Variants in CLCNKB observed in about 807,000 individuals in gnomAD.
CLCNKB encodes chloride channel protein ClC-Kb.
CLCNKB carries 74 observed loss-of-function variants against 83.8 expected under a neutral mutation model. The observed-to-expected ratio is 0.88, with a 90% confidence interval of 0.73 to 1.07. CLCNKB has a LOEUF of 1.07. CLCNKB is among the 50% of genes least tolerant of loss of function. The pLI, the probability that CLCNKB is intolerant of heterozygous loss-of-function variation, is 0.00. For missense variants in CLCNKB, 798 were observed against 893.6 expected (o/e 0.89, Z 1.36); for synonymous variants, 358 against 356.6 (o/e 1.00, Z -0.04).
Position 16,049,690 on chromosome 1 carries a change from T to C in CLCNKB, c.854T>C (p.Phe285Ser). 6.2e-7 allele frequency: 1 copy of C among 1,610,814 alleles called. No individual in the cohort carries two copies. The highest frequency in any genetic ancestry group is 8.5e-7 in the Non-Finnish European group (1 of 1,177,724). The change falls in exon 9 of 20, where the codon TTT becomes TCT. Residue 285 changes from phenylalanine to serine, a missense_variant. Physicochemically the swap from Phe to Ser is radical, Grantham distance 155 (BLOSUM62 -2). Transcript: ENST00000375679. The stretch of plus-strand genomic sequence containing the variant: ...TTCGACCTGCCTGAGATCTTCTTTT[T>C]TGTGGCGCTGGGGTGAGTGGGTGCC... Reference protein sequence around the residue: ...VPFDLPEIFFFVALGGLCGIL... With the variant: ...VPFDLPEIFFSVALGGLCGIL...
chr1:16,046,997 G>A (rs1305479456), intron 4 of CLCNKB, among the ~76,000 whole-genome samples: 3 of 152,180 alleles, frequency 2.0e-5, no homozygotes, highest in African/African-American at 7.2e-5. Flanking sequence ...GGCCAGCAGA[G>A]GGGAGCTCAA....
At chr1:16,056,132 C>G (rs1416211905) in intron 18 of CLCNKB, among the ~76,000 whole-genome samples, 2 of 152,214 alleles carry the variant, frequency 1.3e-5, no homozygotes, top group African/African-American at 2.4e-5. Context: ...GCCTGGCACA[C>G]GGGTTGGGGA....
Position 16,047,937 on chromosome 1 carries a change from G to A in CLCNKB, c.391G>A (p.Ala131Thr). ...SGIPEVKTML[A>T]GVVLEDYLDI... Reference sequence around the variant, plus strand: ...AATCCCGGAGGTGAAGACCATGTTGGCGGGTGTGGTCTTGGAGGACTACCT... The same window carrying A: ...AATCCCGGAGGTGAAGACCATGTTGACGGGTGTGGTCTTGGAGGACTACCT... The change falls in exon 5 of 20, where the codon GCG becomes ACG. Residue 131 changes from alanine to threonine, a missense_variant. Coordinates refer to ENST00000375679, the MANE Select transcript of CLCNKB (RefSeq NM_000085.5). 6.2e-7 allele frequency: 1 copy of A among 1,614,028 alleles called. No individual in the cohort carries two copies. The highest frequency in any genetic ancestry group is 8.5e-7 in the Non-Finnish European group (1 of 1,180,034).
At chr1:16,049,389 G>A in intron 8 of CLCNKB, 144 bp downstream of exon 8, 3 of 1,523,552 alleles carry the variant, frequency 2.0e-6, no homozygotes, top group Non-Finnish European at 2.6e-6. Context: ...CTCCTTCTGG[G>A]AGGATGGAGG....
intron 15 of CLCNKB, among the ~76,000 whole-genome samples, chr1:16,052,707 C>A (rs2023333816): frequency 6.6e-6 from 1 of 152,164 alleles, no homozygotes; most frequent in Non-Finnish European, 1.5e-5. Flanking sequence ...GTGTCTTGCT[C>A]CAGGTGACAC....
intron 14 of CLCNKB, 87 bp downstream of exon 14, chr1:16,051,907 G>A: frequency 8.6e-7 from 1 of 1,167,736 alleles, no homozygotes; most frequent in Non-Finnish European, 1.3e-6. Context: ...CCAGGGCACG[G>A]AGCAGTCACT....
chr1:16,054,043 G>A (rs185973713), intron 16 of CLCNKB, among the ~76,000 whole-genome samples: 1 of 152,224 alleles, frequency 6.6e-6, no homozygotes, highest in East Asian at 1.9e-4. Context: ...GTAGGAGCAT[G>A]GGGACACCAC....
intron 19 of CLCNKB, 74 bp downstream of exon 19, chr1:16,056,582 T>TG (rs1181231418): frequency 5.1e-5 from 16 of 315,692 alleles, no homozygotes; most frequent in Admixed American, 1.3e-4. Context: ...GGAGGTGGGG[T>TG]GGGGGGGACA....
chr1:16,056,155 G>A (rs1350948713), intron 18 of CLCNKB, among the ~76,000 whole-genome samples: 4 of 152,188 alleles, frequency 2.6e-5, no homozygotes, highest in African/African-American at 4.8e-5. Flanking sequence ...GGCAGAGGCT[G>A]ACAGGGGACC....
chr1:16,045,626 G>A lies in CLCNKB; in HGVS notation c.169G>A (p.Gly57Arg), dbSNP rs528798067. The A allele has an allele frequency of 3.7e-6, 6 of 1,614,056 alleles. No individual in the cohort carries two copies. Among genetic ancestry groups the A allele is most frequent in the Admixed American group, 3.3e-5 (2 of 60,026 alleles). The change falls in exon 3 of 20, where the codon GGG (glycine) becomes AGG (arginine). Residue 57 changes from glycine to arginine, a missense_variant. Coordinates refer to ENST00000375679, the MANE Select transcript of CLCNKB (RefSeq NM_000085.5). ...GEDWYFLMTL[G>R]VLMALVSCAM... ...GGACTGGTACTTCCTGATGACCCTC[G>A]GGGTGCTCATGGCCCTGGTCAGCTG...
In CLCNKB at chr1:16,046,679, C is replaced by T. The variant is rs780664952; in HGVS notation, c.358+16C>T. Reference sequence around the variant, plus strand: ...TCCTCTGGAGGTGAGTCCACAGTCGCTACGCCAGTCCCCACTGGCCAAAAC... The same window carrying T: ...TCCTCTGGAGGTGAGTCCACAGTCGTTACGCCAGTCCCCACTGGCCAAAAC... On this transcript the variant is annotated intron_variant, in intron 4 of 19. Coordinates refer to ENST00000375679, the MANE Select transcript of CLCNKB (RefSeq NM_000085.5). 6.2e-7 allele frequency: 1 copy of T among 1,604,886 alleles called. No individual in the cohort carries two copies. Among genetic ancestry groups the T allele is most frequent in the East Asian group, 2.3e-5 (1 of 44,166 alleles).
chr1:16,048,035 C>T lies in CLCNKB; in HGVS notation c.489C>T (p.Leu163=), dbSNP rs764595483. Residue 163 remains leucine, a synonymous_variant, in exon 5 of 20, where the codon CTC becomes CTT. Coordinates refer to ENST00000375679, the MANE Select transcript of CLCNKB (RefSeq NM_000085.5). ...CTLACGSTLF[L]GKVGPFVHLS... ...TGGCCTGTGGCAGCACCCTCTTCCT[C>T]GGGAAAGTGGTATGGGCAGGGGTGA... 32 of 1,613,650 alleles carry T rather than the reference C, an allele frequency of 2.0e-5. 1 individual carries two copies. The highest frequency in any genetic ancestry group is 1.8e-4 in the East Asian group (8 of 44,874).
At chr1:16,053,909 T>C in intron 16 of CLCNKB, 137 bp downstream of exon 16, 1 of 1,151,526 alleles carries the variant, frequency 8.7e-7, no homozygotes, top group Non-Finnish European at 1.3e-6. Flanking sequence ...GCAAGTCACA[T>C]CACCTGAGCC....
At chr1:16,045,463 C>T (rs1247393884) in intron 2 of CLCNKB, 95 bp from the exon 3 acceptor site, 15 of 1,486,042 alleles carry the variant, frequency 1.0e-5, no homozygotes, top group Non-Finnish European at 1.4e-5. Flanking sequence ...TCCCCCTGCC[C>T]CAGCCTCTCT....
chr1:16,055,430 G>T lies in CLCNKB; in HGVS notation c.1757-5G>T. On this transcript the variant is annotated splice_region_variant and splice_polypyrimidine_tract_variant and intron_variant, in intron 16 of 19. Transcript: ENST00000375679. ...CCTCCCTCTGGCTGTCTCTCCACTT[G>T]CCAGAGTCCCAGATCCTGGTGGGCA... 1 of 1,613,118 alleles carries T rather than the reference G, an allele frequency of 6.2e-7. No homozygotes were observed. The highest frequency in any genetic ancestry group is 8.5e-7 in the Non-Finnish European group (1 of 1,179,534).
Position 16,045,018 on chromosome 1 carries a change from GCAGAGCAAGTAGGGAC to G in CLCNKB, c.100+429_100+444del, listed in dbSNP as rs557014608. 3.2e-3 allele frequency among the ~76,000 whole-genome samples: 482 copies of G among 152,290 alleles called. 1 individual carries two copies. Among genetic ancestry groups the G allele is most frequent in the Non-Finnish European group, 5.1e-3 (349 of 68,016 alleles). On this transcript the variant is annotated intron_variant, in intron 2 of 19. Transcript: ENST00000375679. ...ACCTGACTGTCCCCTCAGCTACGGGGCAGAGCAAGTAGGGACCACAGAAGGAGGCTGACTGCAACCC... is the reference window on the plus strand; with the variant it reads ...ACCTGACTGTCCCCTCAGCTACGGGGCACAGAAGGAGGCTGACTGCAACCC...
chr1:16,049,376 C>A, intron 8 of CLCNKB, 131 bp downstream of exon 8: 1 of 1,530,096 alleles, frequency 6.5e-7, no homozygotes, highest in African/African-American at 1.4e-5. Context: ...TCCTTGTTCC[C>A]ACCTCCTTCT....
At position 16,049,189 on chromosome 1, in the gene CLCNKB, C is replaced by A. The variant is rs748423128; in HGVS notation, c.725C>A (p.Ala242Glu). 5 of 1,613,538 alleles carry A rather than the reference C, an allele frequency of 3.1e-6. No individual in the cohort carries two copies. The highest frequency in any genetic ancestry group is 4.2e-6 in the Non-Finnish European group (5 of 1,180,002). ...SVWDYWRGFF[A>E]ATCGAFMFRL... ...TGGGATTACTGGAGGGGCTTCTTTG[C>A]GGCCACCTGCGGGGCCTTCATGTTC... The change falls in exon 8 of 20, where the codon GCG (alanine) becomes GAG (glutamate). Residue 242 changes from alanine to glutamate, a missense_variant. Physicochemically the swap from Ala to Glu is moderately radical, Grantham distance 107 (BLOSUM62 -1). Coordinates refer to ENST00000375679, the MANE Select transcript of CLCNKB (RefSeq NM_000085.5).
rs1473946296 is a variant in CLCNKB, at chr1:16,044,486, G to A, written c.-7G>A. The stretch of plus-strand genomic sequence containing the variant: ...TCCCTCCCTCTATCCGCTTCTCCAG[G>A]GGCCTGATGGAGGAGTTTGTGGGGC... On this transcript the variant is annotated splice_region_variant and 5_prime_UTR_variant, in exon 2 of 20. Transcript: ENST00000375679. 1.9e-6 allele frequency: 3 copies of A among 1,597,424 alleles called. No homozygotes were observed. The highest frequency in any genetic ancestry group is 2.6e-6 in the Non-Finnish European group (3 of 1,172,980).
Sources: allele counts gnomAD v4.1 joint callset (sites outside exome capture counted in the v4.1 genomes callset), GRCh38; gene constraint gnomAD v4.1.1; transcripts MANE v1.5; gene names NCBI Gene and HGNC (gene_info 2026-07-23, HGNC 2026-07-21).